The following GALNT2 variants were observed in gnomAD, a reference collection of about 807,000 sequenced individuals.
The protein encoded by GALNT2 is UDP-GalNAc:polypeptide N-acetylgalactosaminyltransferase 2.
A neutral mutation model predicts 81.4 loss-of-function variants in GALNT2; 31 were observed. The observed-to-expected ratio is 0.38, with a 90% CI of 0.29 to 0.51. The LOEUF (loss-of-function observed/expected upper bound fraction) is 0.51. Ranked by LOEUF, GALNT2 falls within the 20% of genes least tolerant of loss-of-function variation. GALNT2 has a pLI of 0.87. For synonymous variants in GALNT2, 303 were observed against 287.4 expected (o/e 1.05, Z -0.55); for missense variants, 629 against 765.7 (o/e 0.82, Z 2.11).
rs560105534 is a variant in GALNT2 at position 230,273,514 on chromosome 1, G to A, written c.1441-931G>A. Among the ~76,000 whole-genome samples the A allele has an allele frequency of 5.9e-5, 9 of 152,348 alleles. No individual in the cohort carries two copies. The South Asian group carries it at 1.7e-3, about 28-fold the overall frequency. On this transcript the variant is annotated intron_variant, in intron 14 of 15. Transcript: ENST00000366672. ...AAGGGGTGTTCATCCCTTTGAGTGG[G>A]ACAAATGGAGAGTGATGGTCAGAAG...
At chr1:230,172,347 A>T (rs150182773) in intron 1 of GALNT2, among the ~76,000 whole-genome samples, 63 of 152,208 alleles carry the variant, frequency 4.1e-4, no homozygotes, top group Non-Finnish European at 8.4e-4. Context: ...TTGGAAGCAG[A>T]CCCCAGCCCT....
chr1:230,229,702 T>G (rs1354472451), intron 3 of GALNT2, among the ~76,000 whole-genome samples: 1 of 152,104 alleles, frequency 6.6e-6, no homozygotes, highest in Non-Finnish European at 1.5e-5. Context: ...CTCCCTACAA[T>G]GGAAAGCAGT....
chr1:230,099,353 A>G (rs1660337308), intron 1 of GALNT2, among the ~76,000 whole-genome samples: 1 of 152,198 alleles, frequency 6.6e-6, no homozygotes, highest in Non-Finnish European at 1.5e-5. Flanking sequence ...TGTTAGTAGC[A>G]TGCCATGGTC....
intron 1 of GALNT2, among the ~76,000 whole-genome samples, chr1:230,074,165 T>C (rs1571929035): frequency 6.6e-6 from 1 of 151,980 alleles, no homozygotes; most frequent in Admixed American, 6.6e-5. Flanking sequence ...CAACCAGAGC[T>C]AACTGTAGCC....
At chr1:230,249,381 C>G in intron 9 of GALNT2, 110 bp downstream of exon 9, 1 of 835,596 alleles carries the variant, frequency 1.2e-6, no homozygotes, top group East Asian at 2.6e-5. Flanking sequence ...TCACCTTCTG[C>G]CCTCCGGTTT....
At chr1:230,174,472 C>T (rs1662894573) in intron 1 of GALNT2, among the ~76,000 whole-genome samples, 1 of 151,942 alleles carries the variant, frequency 6.6e-6, no homozygotes, top group African/African-American at 2.4e-5. Flanking sequence ...CCAAACCAAA[C>T]TCCTCTATAT....
Position 230,280,392 on chromosome 1 carries a change from A to T in GALNT2, c.*934A>T, listed in dbSNP as rs1666405336. ...ATCTGTGAACCTGGAGCGGTTACTTATTTTGACAGATATCACTTTGGGTCT... is the reference window on the plus strand; with the variant it reads ...ATCTGTGAACCTGGAGCGGTTACTTTTTTTGACAGATATCACTTTGGGTCT... On this transcript the variant is annotated 3_prime_UTR_variant, in exon 16 of 16. Transcript: ENST00000366672. The T allele has an allele frequency of 1.0e-5, 2 of 192,980 alleles. No homozygotes were observed. The highest frequency in any genetic ancestry group is 2.2e-4 in the South Asian group (2 of 9,230). The allele number at this position is 192,980 out of a possible 1,614,324, so 12.0% of individuals were successfully genotyped here. A position where few individuals can be genotyped will look rare whatever the true frequency, so the allele number is the denominator to read the frequency against.
intron 1 of GALNT2, among the ~76,000 whole-genome samples, chr1:230,135,695 C>T (rs914360588): frequency 1.3e-5 from 2 of 152,006 alleles, no homozygotes. Flanking sequence ...CAGATGAATG[C>T]TCTTTCCCTT....
chr1:230,198,502 T>G (rs1663781507), intron 2 of GALNT2, among the ~76,000 whole-genome samples: 8 of 149,012 alleles, frequency 5.4e-5, no homozygotes, highest in African/African-American at 1.8e-4. Context: ...GTACGAGGAG[T>G]GGCAGGGGCA....
At chr1:230,083,068 G>C (rs796923522) in intron 1 of GALNT2, among the ~76,000 whole-genome samples, 1 of 149,656 alleles carries the variant, frequency 6.7e-6, no homozygotes, top group African/African-American at 2.5e-5. Flanking sequence ...GAGCAGGGAA[G>C]CCGGGATGAT....
At chr1:230,182,415 A>G (rs555827125) in intron 2 of GALNT2, among the ~76,000 whole-genome samples, 7 of 152,258 alleles carry the variant, frequency 4.6e-5, no homozygotes, top group African/African-American at 1.2e-4. Context: ...ACAAATTTTC[A>G]TAAGTTTTGT....
chr1:230,129,553 C>T (rs1661301642), intron 1 of GALNT2, among the ~76,000 whole-genome samples: 1 of 152,126 alleles, frequency 6.6e-6, no homozygotes, highest in African/African-American at 2.4e-5. Context: ...CTTCTGACCT[C>T]AAGTGATCTT....
intron 1 of GALNT2, among the ~76,000 whole-genome samples, chr1:230,095,758 G>A (rs1465127795): frequency 6.6e-6 from 1 of 152,346 alleles, no homozygotes; most frequent in East Asian, 1.9e-4. Context: ...TCCTTGAGGG[G>A]CCTGGTAGCC....
chr1:230,119,799 G>T (rs1660958331), intron 1 of GALNT2, among the ~76,000 whole-genome samples: 1 of 152,098 alleles, frequency 6.6e-6, no homozygotes, highest in South Asian at 2.1e-4. Flanking sequence ...TTACACATTT[G>T]CATTTCAGCT....
At chr1:230,141,577 CATA>C (rs1445564358) in intron 1 of GALNT2, among the ~76,000 whole-genome samples, 1 of 152,160 alleles carries the variant, frequency 6.6e-6, no homozygotes, top group Non-Finnish European at 1.5e-5. Context: ...TTTCACTTAG[CATA>C]ATGTCCTCAG....
rs1666002934 is a variant in GALNT2, at chr1:230,265,327, T to C, written c.1400T>C (p.Val467Ala). 1 of 1,614,034 alleles carries C rather than the reference T, an allele frequency of 6.2e-7. No homozygotes were observed. Among genetic ancestry groups the C allele is most frequent in the South Asian group, 1.1e-5 (1 of 91,084 alleles). Residue 467 changes from valine to alanine, a missense_variant, in exon 14 of 16, where the codon GTG becomes GCG. Val to Ala is a moderately conservative substitution (Grantham distance 64, BLOSUM62 0). Transcript: ENST00000366672. ...LDTLGHFADG[V>A]VGVYECHNAG... is the part of the protein sequence containing the mutation. ...ACTTTGGGACACTTTGCTGATGGTG[T>C]GGTTGGAGTTTATGAATGTCACAAT...
chr1:230,251,316 C>T (rs1397288209), intron 10 of GALNT2, among the ~76,000 whole-genome samples: 1 of 152,028 alleles, frequency 6.6e-6, no homozygotes, highest in Admixed American at 6.5e-5. Context: ...GGTGAGTGTA[C>T]CCTGGAGGAC....
intron 1 of GALNT2, among the ~76,000 whole-genome samples, chr1:230,115,493 C>T (rs574350350): frequency 2.6e-5 from 4 of 152,136 alleles, no homozygotes; most frequent in Non-Finnish European, 5.9e-5. Flanking sequence ...TATGCCTAAA[C>T]AATGTACGGA....
chr1:230,217,052 C>A (rs770749153), intron 3 of GALNT2, among the ~76,000 whole-genome samples: 5 of 151,910 alleles, frequency 3.3e-5, no homozygotes, highest in Non-Finnish European at 7.4e-5. Context: ...AGGTGTTTTT[C>A]TGGTCACTGG....
Sources: gnomAD v4.1 joint callset for allele counts (sites outside exome capture counted in the v4.1 genomes callset) on GRCh38, gnomAD v4.1.1 for gene constraint, MANE v1.5 for transcripts, NCBI Gene and HGNC (gene_info 2026-07-23, HGNC 2026-07-21) for gene names.